Variants in MAGED1 observed in about 807,000 individuals in gnomAD.
MAGED1 encodes the protein melanoma-associated antigen D1.
MAGED1 carries 3 observed loss-of-function variants against 54.1 expected under a neutral mutation model. The ratio of observed to expected loss-of-function variants is 0.06; its 90% CI spans 0.03 to 0.14. The LOEUF (loss-of-function observed/expected upper bound fraction) is 0.14, where lower values mean the gene tolerates loss of function less well. Ranked by LOEUF, MAGED1 falls within the 10% of genes least tolerant of loss-of-function variation. The pLI, the probability that MAGED1 is intolerant of heterozygous loss-of-function variation, is 1.00. For missense variants in MAGED1, 485 were observed against 623.4 expected, an observed-to-expected ratio of 0.78 and a Z score of 2.36; for synonymous variants, 217 against 227.3, an observed-to-expected ratio of 0.95 and a Z score of 0.41.
At chrX:51,832,325 C>T (rs1164096552) in intron 1 of MAGED1, among the ~76,000 whole-genome samples, 3 of 111,882 alleles carry the variant, frequency 2.7e-5, no homozygotes, top group East Asian at 5.6e-4. Flanking sequence ...CCACTGCACT[C>T]GATCTCCTTT....
At chrX:51,832,174 C>T (rs782452437) in intron 1 of MAGED1, among the ~76,000 whole-genome samples, 57 of 110,468 alleles carry the variant, frequency 5.2e-4, no homozygotes, top group Non-Finnish European at 8.5e-4. Context: ...GGACTATAGG[C>T]GCGCACCACC....
chrX:51,818,202 T>C (rs1220857072), intron 1 of MAGED1, among the ~76,000 whole-genome samples: 1 of 111,833 alleles, frequency 8.9e-6, no homozygotes, highest in East Asian at 2.8e-4. Flanking sequence ...TGGACCTGTT[T>C]TATACACCAT....
chrX:51,806,573 T>C (rs1037895841), intron 1 of MAGED1, among the ~76,000 whole-genome samples: 1 of 111,802 alleles, frequency 8.9e-6, no homozygotes, highest in Non-Finnish European at 1.9e-5. Flanking sequence ...GTAGTTATCC[T>C]TTTATTGTAG....
intron 1 of MAGED1, among the ~76,000 whole-genome samples, chrX:51,820,988 T>G (rs1048460450): frequency 8.9e-6 from 1 of 111,936 alleles, no homozygotes; most frequent in African/African-American, 3.2e-5. Flanking sequence ...ATCAGCTTTT[T>G]TAAGATTCCA....
intron 1 of MAGED1, among the ~76,000 whole-genome samples, chrX:51,880,139 C>G (rs781913075): frequency 1.8e-5 from 2 of 112,144 alleles, no homozygotes; most frequent in Non-Finnish European, 1.9e-5. Context: ...CAAAGACAGC[C>G]TCACGGAGGT....
chrX:51,845,103 G>A (rs954462858), intron 1 of MAGED1, among the ~76,000 whole-genome samples: 8 of 110,862 alleles, frequency 7.2e-5, no homozygotes, highest in Non-Finnish European at 1.9e-5. Context: ...ATGGTGGTGC[G>A]TGCCTGTAGT....
chrX:51,805,976 T>C (rs1925015653), intron 1 of MAGED1, among the ~76,000 whole-genome samples: 1 of 76,097 alleles, frequency 1.3e-5, no homozygotes, highest in African/African-American at 5.0e-5. Flanking sequence ...TTTTTTTTTT[T>C]TTTTTTTTTT....
At position 51,897,576 on chromosome X, in the gene MAGED1, A is replaced by G. The variant is rs782365292; in HGVS notation, c.1516A>G (p.Thr506Ala). ...EMLRDIIREY[T>A]DVYPEIIERA... The stretch of plus-strand genomic sequence containing the variant: ...GCTGAGAGATATCATCCGTGAATAC[A>G]CTGATGTTTATCCAGAAATCATTGA... Residue 506 changes from threonine (T) to alanine (A), a missense_variant, in exon 6 of 13, where the codon ACT becomes GCT. By Grantham distance (58) the Thr-to-Ala change is moderately conservative. Around this residue, in one of 2 missense-constraint regions of MAGED1, gnomAD observed 186 missense variants for 330.3 expected, o/e 0.56. Transcript: ENST00000326587. 9 of 1,205,496 alleles carry G rather than the reference A, an allele frequency of 7.5e-6. No individual in the cohort carries two copies. The highest frequency in any genetic ancestry group is 2.3e-4 in the Middle Eastern group (1 of 4,371).
At chrX:51,889,061 T>G (rs1928339851), upstream of MAGED1, among the ~76,000 whole-genome samples, 2 of 110,421 alleles carry the variant, frequency 1.8e-5, no homozygotes, top group African/African-American at 6.6e-5. Context: ...ATTGCTGTGG[T>G]GTTTGTAGAG....
chrX:51,803,477 C>T (rs1293324826), intron 1 of MAGED1, among the ~76,000 whole-genome samples: 1 of 109,084 alleles, frequency 9.2e-6, no homozygotes, highest in Non-Finnish European at 1.9e-5. Context: ...CGCCTTCTGC[C>T]CCCCATCCTG....
At chrX:51,808,241 T>G (rs1294530281) in intron 1 of MAGED1, among the ~76,000 whole-genome samples, 3 of 112,001 alleles carry the variant, frequency 2.7e-5, no homozygotes, top group Non-Finnish European at 3.8e-5. Context: ...TTTCTCTCCT[T>G]TGTTGAACTT....
upstream of MAGED1, among the ~76,000 whole-genome samples, chrX:51,890,557 T>G (rs1193096569): frequency 9.0e-6 from 1 of 111,266 alleles, no homozygotes; most frequent in Non-Finnish European, 1.9e-5. Flanking sequence ...CACTTGGAAC[T>G]GTTAAGTAAG....
rs1341730201 is a variant in MAGED1, at chrX:51,895,564, A to G, written c.557A>G (p.Asp186Gly). 5 of 1,210,167 alleles carry G rather than the reference A, an allele frequency of 4.1e-6. No homozygotes were observed. Among genetic ancestry groups the G allele is most frequent in the African/African-American group, 1.7e-5 (1 of 57,232 alleles). Reference protein sequence around the residue: ...RPKTPFKAWNDTTKAPTADTQ... With the variant: ...RPKTPFKAWNGTTKAPTADTQ... The stretch of plus-strand genomic sequence containing the variant: ...AAGACCCCTTTCAAGGCTTGGAATG[A>G]TACCACTAAGGCCCCAACAGCTGAT... The change falls in exon 3 of 13, where the codon GAT (aspartate) becomes GGT (glycine). Residue 186 changes from aspartate to glycine, a missense_variant. Transcript: ENST00000326587.
intron 1 of MAGED1, among the ~76,000 whole-genome samples, chrX:51,829,796 T>C (rs1236371184): frequency 8.9e-6 from 1 of 111,948 alleles, no homozygotes; most frequent in African/African-American, 3.2e-5. Context: ...AAAAATTTTA[T>C]TGTTTGACAA....
chrX:51,833,083 G>T (rs1352993077), intron 1 of MAGED1, among the ~76,000 whole-genome samples: 1 of 110,792 alleles, frequency 9.0e-6, no homozygotes, highest in Non-Finnish European at 1.9e-5. Flanking sequence ...TCTTATAAAT[G>T]GTAGTTTGGG....
intron 1 of MAGED1, among the ~76,000 whole-genome samples, chrX:51,824,437 CT>C (rs1452693391): frequency 1.8e-5 from 2 of 110,237 alleles, no homozygotes; most frequent in Non-Finnish European, 3.8e-5. Context: ...TCTTATTGCT[CT>C]TTGGGATTTT....
intron 1 of MAGED1, among the ~76,000 whole-genome samples, chrX:51,813,610 C>A (rs1381190482): frequency 2.7e-5 from 3 of 111,985 alleles, no homozygotes; most frequent in Non-Finnish European, 5.6e-5. Context: ...CATTTTCATA[C>A]CCTCTTTGTG....
At chrX:51,862,250 A>G (rs184721727) in intron 1 of MAGED1, among the ~76,000 whole-genome samples, 3 of 111,869 alleles carry the variant, frequency 2.7e-5, no homozygotes, top group African/African-American at 9.7e-5. Flanking sequence ...TTTCTTGGAT[A>G]CTTTGTGAGC....
rs1928672594 is a variant in MAGED1 at position 51,895,082 on chromosome X, G to C, written c.75G>C (p.Leu25Phe). The C allele has an allele frequency of 8.3e-7, 1 of 1,211,315 alleles. No homozygotes were observed. The highest frequency in any genetic ancestry group is 1.1e-6 in the Non-Finnish European group (1 of 895,179). Residue 25 changes from leucine (L) to phenylalanine (F), a missense_variant, in exon 3 of 13, where the codon TTG becomes TTC. Leu to Phe is a conservative substitution (Grantham distance 22). Coordinates refer to ENST00000326587, the MANE Select transcript of MAGED1 (RefSeq NM_006986.4). The part of the protein sequence containing the change: ...QAEASVEDSA[L>F]LMQTLMEAIQ... ...AGGCCTCCGTAGAAGACAGCGCCTTGCTTATGCAGACCTTGATGGAGGCCA... is the reference window on the plus strand; with the variant it reads ...AGGCCTCCGTAGAAGACAGCGCCTTCCTTATGCAGACCTTGATGGAGGCCA...
Sources: allele counts gnomAD v4.1 joint callset (sites outside exome capture counted in the v4.1 genomes callset), GRCh38; gene constraint gnomAD v4.1.1; regional missense constraint gnomAD v4.1.1; transcripts MANE v1.5; gene names NCBI Gene and HGNC (gene_info 2026-07-23, HGNC 2026-07-21).